The following BRWD3 variants were observed in gnomAD, a reference collection of about 807,000 sequenced individuals.
BRWD3 encodes the protein bromodomain and WD repeat domain containing 3, also known as bromodomain and WD repeat-containing protein 3.
A neutral mutation model predicts 149.7 loss-of-function variants in BRWD3; 10 were observed. That is an observed-to-expected ratio of 0.07 (90% CI 0.04 to 0.11). BRWD3 has a LOEUF of 0.11. Ranked by LOEUF, BRWD3 falls within the 10% of genes least tolerant of loss-of-function variation. The pLI is 1.00. For missense variants in BRWD3, 940 were observed against 1,373.2 expected (o/e 0.68, Z 4.99); for synonymous variants, 504 against 456.7 (o/e 1.10, Z -1.32).
rs1460594431 is a variant in BRWD3, at chrX:80,669,825, A to ATT, written c.*6783_*6784insAA. 9.0e-6 allele frequency among the ~76,000 whole-genome samples: 1 copy of ATT among 111,544 alleles called. No homozygotes were observed. Among genetic ancestry groups the ATT allele is most frequent in the Non-Finnish European group, 1.9e-5 (1 of 53,082 alleles). On this transcript the variant is annotated 3_prime_UTR_variant, in exon 41 of 41. Coordinates refer to ENST00000373275, the MANE Select transcript of BRWD3 (RefSeq NM_153252.5). ...AGTCACCTAAATTAAAGAATTTAAAATGTTTTTATTTCTTCATATATTTAC... is the reference window on the plus strand; with the variant it reads ...AGTCACCTAAATTAAAGAATTTAAAATTTGTTTTTATTTCTTCATATATTTAC...
At chrX:80,716,322 A>G in intron 19 of BRWD3, 72 bp from the exon 20 acceptor site, 1 of 859,239 alleles carries the variant, frequency 1.2e-6, no homozygotes, top group Non-Finnish European at 1.7e-6. Flanking sequence ...TCAGATAATA[A>G]AAATACTTTT....
At chrX:80,771,649 A>G (rs1251470812) in intron 6 of BRWD3, among the ~76,000 whole-genome samples, 1 of 111,933 alleles carries the variant, frequency 8.9e-6, no homozygotes, top group Non-Finnish European at 1.9e-5. Context: ...CTTCTGCACA[A>G]CAAAAGAAAC....
chrX:80,744,489 AC>A (rs766281429), intron 7 of BRWD3, among the ~76,000 whole-genome samples: 9 of 112,191 alleles, frequency 8.0e-5, no homozygotes, highest in African/African-American at 2.9e-4. Context: ...CAAAATTACC[AC>A]CAATACTGAC....
At chrX:80,709,722 A>G (rs1299753232) in intron 20 of BRWD3, 145 bp from the exon 21 acceptor site, 1 of 495,771 alleles carries the variant, frequency 2.0e-6, no homozygotes, top group East Asian at 3.7e-5. Context: ...ATAGAACTAT[A>G]TTTATACATA....
chrX:80,764,053 A>C (rs1434850899), intron 6 of BRWD3, among the ~76,000 whole-genome samples: 1 of 112,009 alleles, frequency 8.9e-6, no homozygotes, highest in Non-Finnish European at 1.9e-5. Flanking sequence ...GGGCCAAAAA[A>C]ATTTGCATAA....
rs752898370 is a variant in BRWD3 at position 80,745,714 on chromosome X, G to A, written c.446C>T (p.Ala149Val). The A allele has an allele frequency of 8.3e-7, 1 of 1,206,015 alleles. No individual in the cohort carries two copies. Among genetic ancestry groups the A allele is most frequent in the South Asian group, 1.8e-5 (1 of 56,171 alleles). Residue 149 changes from alanine to valine, a missense_variant, in exon 7 of 41, where the codon GCC becomes GTC. This residue lies in a region of BRWD3 where 105 missense variants were observed against 127.7 expected (regional missense o/e 0.82). Coordinates refer to ENST00000373275, the MANE Select transcript of BRWD3 (RefSeq NM_153252.5). ...KPPNVVNITS[A>V]RQLTGCSRFG... ...GCGACTACAGCCGGTTAATTGCCTG[G>A]CAGAGGTGATATTCACTGAAAAAAA... is the stretch of plus-strand genomic sequence containing the variant.
rs2072308943 is a variant in BRWD3 at position 80,669,719 on chromosome X, C to T, written c.*6890G>A. On this transcript the variant is annotated 3_prime_UTR_variant, in exon 41 of 41. Coordinates refer to ENST00000373275, the MANE Select transcript of BRWD3 (RefSeq NM_153252.5). The stretch of plus-strand genomic sequence containing the variant: ...CAATACAAATTAACATGTTGTTATA[C>T]AAATTCTAACTAGAATTGCAACATG... 9.0e-6 allele frequency among the ~76,000 whole-genome samples: 1 copy of T among 111,363 alleles called. No homozygotes were observed. Among genetic ancestry groups the T allele is most frequent in the African/African-American group, 3.3e-5 (1 of 30,667 alleles).
At chrX:80,770,243 T>G (rs2073923023) in intron 6 of BRWD3, among the ~76,000 whole-genome samples, 1 of 111,626 alleles carries the variant, frequency 9.0e-6, no homozygotes, top group Non-Finnish European at 1.9e-5. Context: ...CCTCCCCAAC[T>G]CATTTTATGA....
chrX:80,765,393 G>A (rs944161570), intron 6 of BRWD3, among the ~76,000 whole-genome samples: 1 of 111,763 alleles, frequency 8.9e-6, no homozygotes, highest in African/African-American at 3.2e-5. Context: ...CATGCCCTGT[G>A]ATTAAGGTCA....
intron 34 of BRWD3, 128 bp from the exon 35 acceptor site, chrX:80,687,131 G>T: frequency 4.2e-6 from 2 of 479,916 alleles, no homozygotes; most frequent in Non-Finnish European, 6.2e-6. Context: ...TATGGCAGCT[G>T]CTATTTTAGT....
intron 28 of BRWD3, 78 bp from the exon 29 acceptor site, chrX:80,692,228 C>T: frequency 3.2e-6 from 3 of 934,936 alleles, no homozygotes; most frequent in Non-Finnish European, 4.6e-6. Context: ...TTTTACATGA[C>T]TTCTTGGGGG....
rs770015241 is a variant in BRWD3 at position 80,801,340 on chromosome X, C to A, written c.180+7199G>T. ...AATTCAATGGATTCTCCTGCCTCAG[C>A]CTCTGGAGTAGCTGGGATTACAGGC... On this transcript the variant is annotated intron_variant, in intron 4 of 40. Coordinates refer to ENST00000373275, the MANE Select transcript of BRWD3 (RefSeq NM_153252.5). 1.4e-3 allele frequency among the ~76,000 whole-genome samples: 147 copies of A among 102,352 alleles called. 1 individual carries two copies. The highest frequency in any genetic ancestry group is 2.7e-3 in the Non-Finnish European group (137 of 50,753). 88.9% of individuals were successfully genotyped at this position (102,352 alleles called of 115,157 possible).
intron 24 of BRWD3, among the ~76,000 whole-genome samples, chrX:80,701,057 A>C (rs1270847782): frequency 9.0e-6 from 1 of 110,978 alleles, no homozygotes; most frequent in Non-Finnish European, 1.9e-5. Context: ...ATTCCATATA[A>C]ACAGTATAAA....
intron 4 of BRWD3, 129 bp from the exon 5 acceptor site, chrX:80,793,901 G>A: frequency 1.4e-5 from 10 of 717,812 alleles, no homozygotes; most frequent in Non-Finnish European, 1.9e-5. Flanking sequence ...AATCAGGCCT[G>A]GGCGCGATGG....
intron 24 of BRWD3, among the ~76,000 whole-genome samples, chrX:80,702,147 A>C (rs189788386): frequency 8.5e-4 from 96 of 112,540 alleles, no homozygotes; most frequent in Non-Finnish European, 1.0e-3. Flanking sequence ...TGCCATTAAG[A>C]AATCAATTAT....
At chrX:80,807,650 T>C (rs1159409870) in intron 4 of BRWD3, among the ~76,000 whole-genome samples, 2 of 112,028 alleles carry the variant, frequency 1.8e-5, no homozygotes, top group Non-Finnish European at 3.8e-5. Context: ...GATCACCTGT[T>C]TTTGTGTGTC....
At chrX:80,755,755 C>A (rs757106485) in intron 6 of BRWD3, among the ~76,000 whole-genome samples, 1 of 111,252 alleles carries the variant, frequency 9.0e-6, no homozygotes, top group Non-Finnish European at 1.9e-5. Flanking sequence ...GGAATGGTTA[C>A]GTATTAAATT....
At chrX:80,762,079 CA>C (rs1282558800) in intron 6 of BRWD3, among the ~76,000 whole-genome samples, 1 of 111,441 alleles carries the variant, frequency 9.0e-6, no homozygotes, top group Non-Finnish European at 1.9e-5. Context: ...CAAAAAAATA[CA>C]GCTGACTTTG....
intron 25 of BRWD3, among the ~76,000 whole-genome samples, chrX:80,699,229 A>G (rs1384999916): frequency 9.0e-6 from 1 of 111,039 alleles, no homozygotes; most frequent in African/African-American, 3.3e-5. Context: ...TAAATAAAAA[A>G]TAAATAAATA....
Sources: gnomAD v4.1 joint callset for allele counts (sites outside exome capture counted in the v4.1 genomes callset) on GRCh38, gnomAD v4.1.1 for gene constraint, gnomAD v4.1.1 regional missense constraint, MANE v1.5 for transcripts, NCBI Gene and HGNC (gene_info 2026-07-23, HGNC 2026-07-21) for gene names.